AGFG1: variants seen among roughly 807,000 people sequenced by gnomAD.
The protein encoded by AGFG1 is arf-GAP domain and FG repeat-containing protein 1.
Under a neutral mutation model 60.6 loss-of-function variants are expected in AGFG1, and 10 were observed. The observed-to-expected ratio is 0.16, with a 90% CI of 0.10 to 0.28. AGFG1 has a LOEUF of 0.28. AGFG1 is among the 10% of genes least tolerant of loss of function. The pLI is 1.00. For synonymous variants in AGFG1, 247 were observed against 242.9 expected (o/e 1.02, Z -0.16); for missense variants, 537 against 676.5 (o/e 0.79, Z 2.29).
At position 227,558,468 on chromosome 2, in the gene AGFG1, A is replaced by T. The variant is rs1305633263; in HGVS notation, c.*3973A>T. On this transcript the variant is annotated 3_prime_UTR_variant, in exon 13 of 13. Transcript: ENST00000310078. Reference sequence around the variant, plus strand: ...GTGCTTTAGATTGAAGACTCATCTGAAGTATCACAGACTCCTATTTTGTAA... The same window carrying T: ...GTGCTTTAGATTGAAGACTCATCTGTAGTATCACAGACTCCTATTTTGTAA... The T allele has an allele frequency of 6.6e-6, 1 of 152,084 alleles. No individual in the cohort carries two copies. The highest frequency in any genetic ancestry group is 2.4e-5 in the African/African-American group (1 of 41,422). 9.4% of individuals were successfully genotyped at this position (152,084 alleles called of 1,614,324 possible).
intron 10 of AGFG1, among the ~76,000 whole-genome samples, chr2:227,543,461 G>T (rs890142140): frequency 1.3e-5 from 2 of 152,000 alleles, no homozygotes; most frequent in African/African-American, 4.8e-5. Flanking sequence ...GTAGTTTTGC[G>T]GTTTTGATTG....
chr2:227,508,492 G>C (rs1337244492), intron 2 of AGFG1: 1 of 361,984 alleles, frequency 2.8e-6, no homozygotes, highest in Non-Finnish European at 5.7e-6. Context: ...GGTGTATTCT[G>C]GAAAATGTAA....
At chr2:227,527,593 C>T (rs532078164) in intron 5 of AGFG1, among the ~76,000 whole-genome samples, 3 of 152,222 alleles carry the variant, frequency 2.0e-5, no homozygotes, top group South Asian at 2.1e-4. Flanking sequence ...GTTGGAAATG[C>T]GTATGGAATC....
At chr2:227,481,700 T>C (rs1690469462) in intron 1 of AGFG1, among the ~76,000 whole-genome samples, 1 of 152,166 alleles carries the variant, frequency 6.6e-6, no homozygotes. Context: ...TAGGTGTATG[T>C]ATTTATGAGG....
At chr2:227,546,246 G>T (rs1009851687) in intron 10 of AGFG1, among the ~76,000 whole-genome samples, 3 of 152,244 alleles carry the variant, frequency 2.0e-5, no homozygotes, top group Non-Finnish European at 2.9e-5. Context: ...CAAGACTGCT[G>T]TGCTAGCAGT....
rs1474847661 is a variant in AGFG1, at chr2:227,555,940, C to T, written c.*1445C>T. On this transcript the variant is annotated 3_prime_UTR_variant, in exon 13 of 13. Transcript: ENST00000310078. The stretch of plus-strand genomic sequence containing the variant: ...GCTTGTCCAGACTATAGCATATTAG[C>T]TGTTTAGAAGGGATGGCTTGAAAGG... 2.0e-5 allele frequency: 3 copies of T among 152,068 alleles called. No homozygotes were observed. Among genetic ancestry groups the T allele is most frequent in the Non-Finnish European group, 1.5e-5 (1 of 68,008 alleles). 9.4% of individuals were successfully genotyped at this position (152,068 alleles called of 1,614,324 possible). A position where few individuals can be genotyped will look rare whatever the true frequency, so the allele number is the denominator to read the frequency against.
Position 227,523,825 on chromosome 2 carries a change from C to T in AGFG1, c.440C>T (p.Ser147Phe). 6.2e-7 allele frequency: 1 copy of T among 1,614,006 alleles called. No homozygotes were observed. The highest frequency in any genetic ancestry group is 8.5e-7 in the Non-Finnish European group (1 of 1,179,974). ...GTTCATGCATCTATTTCAGGGTCCTCTGCCAGTAGCACAAGCAGCACACCT... is the reference window on the plus strand; with the variant it reads ...GTTCATGCATCTATTTCAGGGTCCTTTGCCAGTAGCACAAGCAGCACACCT... ...ASVHASISGS[S>F]ASSTSSTPEV... Residue 147 changes from serine to phenylalanine, a missense_variant, in exon 4 of 13, where the codon TCT becomes TTT. Around this residue, in one of 4 missense-constraint regions of AGFG1, gnomAD observed 120 missense variants for 198.5 expected, o/e 0.60. Transcript: ENST00000310078.
chr2:227,537,036 AT>A lies in AGFG1; in HGVS notation c.1378+46del, dbSNP rs1468554705. Reference sequence around the variant, plus strand: ...TGGAACAGTAAGTTTTGGGGAAGACATTTATCAACAAAGACACCATGTGAAG... The same window carrying A: ...TGGAACAGTAAGTTTTGGGGAAGACATTATCAACAAAGACACCATGTGAAG... On this transcript the variant is annotated intron_variant, in intron 10 of 12. Transcript: ENST00000310078. 2.0e-6 allele frequency: 3 copies of A among 1,536,308 alleles called. No homozygotes were observed. The Admixed American group carries it at 5.3e-5, about 27-fold the overall frequency.
At chr2:227,482,729 T>C (rs1429305393) in intron 1 of AGFG1, among the ~76,000 whole-genome samples, 5 of 152,180 alleles carry the variant, frequency 3.3e-5, no homozygotes, top group Admixed American at 6.5e-5. Flanking sequence ...ATTGAACAAA[T>C]GGTTATTTGC....
At chr2:227,547,163 C>A (rs1381832251) in intron 10 of AGFG1, among the ~76,000 whole-genome samples, 1 of 152,126 alleles carries the variant, frequency 6.6e-6, no homozygotes, top group African/African-American at 2.4e-5. Flanking sequence ...TTCCTTATAT[C>A]TAAATACTTA....
At chr2:227,536,726 A>T (rs756150234) in intron 9 of AGFG1, 22 bp downstream of exon 9, 1 of 1,609,996 alleles carries the variant, frequency 6.2e-7, no homozygotes, top group East Asian at 2.2e-5. Context: ...TGGTATATAC[A>T]CTGGTTTTTA....
chr2:227,532,368 A>T (rs1056718314), intron 6 of AGFG1, among the ~76,000 whole-genome samples: 1 of 152,192 alleles, frequency 6.6e-6, no homozygotes, highest in African/African-American at 2.4e-5. Flanking sequence ...TAGAGAACAC[A>T]ATAGTAGACA....
rs139764867 is a variant in AGFG1 at position 227,539,457 on chromosome 2, A to AAAAAAAAAAC, written c.1378+2464_1378+2465insAAAAAAAAAC. Among the ~76,000 whole-genome samples the AAAAAAAAAAC allele has an allele frequency of 8.2e-3, 1,069 of 129,794 alleles. 93 individuals carry two copies. The highest frequency in any genetic ancestry group is 0.023 in the African/African-American group (797 of 34,600). The allele number at this position is 129,794 out of a possible 152,430, so 85.1% of individuals were successfully genotyped here. A position where few individuals can be genotyped will look rare whatever the true frequency, so the allele number is the denominator to read the frequency against. On this transcript the variant is annotated intron_variant, in intron 10 of 12. Coordinates refer to ENST00000310078, the MANE Select transcript of AGFG1 (RefSeq NM_004504.5). ...GACTCTGTCTCAAAAAAAACAAAAA[A>AAAAAAAAAAC]CACATGTTAACACTGTGAAATTATA...
chr2:227,533,334 A>G (rs1692216692), intron 6 of AGFG1, among the ~76,000 whole-genome samples: 1 of 152,184 alleles, frequency 6.6e-6, no homozygotes, highest in African/African-American at 2.4e-5. Context: ...ATACACAGAA[A>G]CATGTTACTT....
intron 1 of AGFG1, 98 bp downstream of exon 1, chr2:227,472,686 G>C (rs1390242352): frequency 1.5e-6 from 2 of 1,332,562 alleles, no homozygotes; most frequent in African/African-American, 3.1e-5. Context: ...AAAGAGCCGG[G>C]TGCCGTGGGA....
Position 227,533,764 on chromosome 2 carries a change from A to T in AGFG1, c.1024+6A>T. On this transcript the variant is annotated splice_donor_region_variant and intron_variant, in intron 7 of 12. Coordinates refer to ENST00000310078, the MANE Select transcript of AGFG1 (RefSeq NM_004504.5). ...TATCTTCAGTGCCGGGCAAGGTATC[A>T]AGCTTTAAGCAAAACAAATACAAAT... 1.2e-6 allele frequency: 2 copies of T among 1,610,146 alleles called. No individual in the cohort carries two copies. Among genetic ancestry groups the T allele is most frequent in the Admixed American group, 1.7e-5 (1 of 59,732 alleles).
intron 2 of AGFG1, among the ~76,000 whole-genome samples, chr2:227,504,435 C>T (rs984638757): frequency 6.6e-6 from 1 of 152,152 alleles, no homozygotes; most frequent in South Asian, 2.1e-4. Context: ...CCAAATGATC[C>T]GCCTGCCTTG....
chr2:227,496,945 TTAA>T (rs1221275132), intron 2 of AGFG1, among the ~76,000 whole-genome samples: 2 of 152,202 alleles, frequency 1.3e-5, no homozygotes, highest in Non-Finnish European at 2.9e-5. Context: ...TCTGCTGAGT[TTAA>T]TAATAATGAA....
chr2:227,512,632 G>T lies in AGFG1; in HGVS notation c.262-7316G>T, dbSNP rs79441977. Among the ~76,000 whole-genome samples the T allele has an allele frequency of 2.6e-5, 4 of 152,240 alleles. No homozygotes were observed. The East Asian group carries it at 7.7e-4, about 29-fold the overall frequency. ...TAATAGAATTTTGTATAGGTCCACG[G>T]TACCTGTTTAGAGAGCTTCTAATGG... On this transcript the variant is annotated intron_variant, in intron 2 of 12. Coordinates refer to ENST00000310078, the MANE Select transcript of AGFG1 (RefSeq NM_004504.5).
Sources: gnomAD v4.1 joint callset for allele counts (sites outside exome capture counted in the v4.1 genomes callset) on GRCh38, gnomAD v4.1.1 for gene constraint, gnomAD v4.1.1 regional missense constraint, MANE v1.5 for transcripts, NCBI Gene and HGNC (gene_info 2026-07-23, HGNC 2026-07-21) for gene names.